Variants in PBX4 observed in about 807,000 individuals in gnomAD.
PBX4 encodes PBX homeobox 4, also known as pre-B-cell leukemia transcription factor 4.
A neutral mutation model predicts 35.1 loss-of-function variants in PBX4; 26 were observed. The observed-to-expected ratio is 0.74, with a 90% CI of 0.54 to 1.03. The LOEUF is 1.03. PBX4 is among the 50% of genes least tolerant of loss of function. PBX4 has a pLI of 0.00. For synonymous variants in PBX4, 199 were observed against 204.2 expected (o/e 0.97, Z 0.22); for missense variants, 448 against 504.3 (o/e 0.89, Z 1.07).
chr19:19,590,836 T>A (rs1022580610), intron 2 of PBX4, among the ~76,000 whole-genome samples: 1 of 152,150 alleles, frequency 6.6e-6, no homozygotes, highest in East Asian at 1.9e-4. Context: ...TGTATATTTA[T>A]ATACAATGAT....
At chr19:19,618,442 C>A in intron 1 of PBX4, 69 bp downstream of exon 1, 1 of 1,318,382 alleles carries the variant, frequency 7.6e-7, no homozygotes. Flanking sequence ...CCTCCACGCC[C>A]CGTCCCCTCA....
chr19:19,587,363 A>G (rs146902124), intron 2 of PBX4, among the ~76,000 whole-genome samples: 2,287 of 152,104 alleles, frequency 0.015, 80 homozygotes, highest in South Asian at 0.076. Context: ...CAAGGCGGGC[A>G]TATCACCTGA....
rs754031746 is a variant in PBX4, at chr19:19,570,821, C to T, written c.206G>A (p.Arg69His). Residue 69 changes from arginine (R) to histidine (H), a missense_variant, in exon 3 of 8, where the codon CGT becomes CAT. Physicochemically the swap from Arg to His is conservative, Grantham distance 29. Coordinates refer to ENST00000251203, the MANE Select transcript of PBX4 (RefSeq NM_025245.3). The stretch of plus-strand genomic sequence containing the variant: ...AGGGGGATCTTCGTCTTGAATGCCA[C>T]GGATGCTTACCACTAGATAAGAGAG... ...EIKEKTVVSI[R>H]GIQDEDPPDA... 26 of 1,613,856 alleles carry T rather than the reference C, an allele frequency of 1.6e-5. No individual in the cohort carries two copies. In the Admixed American group the frequency reaches 2.2e-4, roughly 13 times the overall value.
chr19:19,618,374 A>C, intron 1 of PBX4, 137 bp downstream of exon 1: 1 of 749,460 alleles, frequency 1.3e-6, no homozygotes, highest in South Asian at 3.8e-5. Flanking sequence ...AACCCCATAC[A>C]TCCCTTCGTC....
At chr19:19,598,260 T>C (rs2061572151) in intron 2 of PBX4, among the ~76,000 whole-genome samples, 1 of 151,806 alleles carries the variant, frequency 6.6e-6, no homozygotes, top group South Asian at 2.1e-4. Context: ...GAGAACTCTC[T>C]GTACTATTTT....
rs563097030 is a variant in PBX4, at chr19:19,598,806, G to A, written c.193+486C>T. 1.1e-4 allele frequency among the ~76,000 whole-genome samples: 17 copies of A among 151,836 alleles called. No homozygotes were observed. In the East Asian group the frequency reaches 2.5e-3, roughly 22 times the overall value. Reference sequence around the variant, plus strand: ...AAGGCAGAAAGAAAACATCCTAGCCGTCTTCTGCGAGACAGAAGGGATGAG... The same window carrying A: ...AAGGCAGAAAGAAAACATCCTAGCCATCTTCTGCGAGACAGAAGGGATGAG... On this transcript the variant is annotated intron_variant, in intron 2 of 7. Transcript: ENST00000251203.
intron 5 of PBX4, 65 bp downstream of exon 5, chr19:19,569,384 T>C: frequency 1.3e-6 from 2 of 1,541,324 alleles, no homozygotes; most frequent in South Asian, 1.3e-5. Flanking sequence ...TCCCTGGGTG[T>C]CCTCATGGGA....
chr19:19,570,835 T>C lies in PBX4; in HGVS notation c.194-2A>G. The C allele has an allele frequency of 6.2e-7, 1 of 1,612,728 alleles. No homozygotes were observed. The highest frequency in any genetic ancestry group is 1.1e-5 in the South Asian group (1 of 90,942). The stretch of plus-strand genomic sequence containing the variant: ...CTTGAATGCCACGGATGCTTACCAC[T>C]AGATAAGAGAGACCGGGACAAGTCA... On this transcript the variant is annotated splice_acceptor_variant, in intron 2 of 7. Coordinates refer to ENST00000251203, the MANE Select transcript of PBX4 (RefSeq NM_025245.3). LOFTEE classifies it high-confidence loss of function.
At chr19:19,607,370 T>A (rs2061638057) in intron 1 of PBX4, among the ~76,000 whole-genome samples, 1 of 152,134 alleles carries the variant, frequency 6.6e-6, no homozygotes, top group East Asian at 1.9e-4. Context: ...CTGAGTTTTT[T>A]AAAATGCTAA....
At chr19:19,608,307 T>A (rs2061642960) in intron 1 of PBX4, 1 of 150,068 alleles carries the variant, frequency 6.7e-6, no homozygotes, top group South Asian at 2.1e-4. Flanking sequence ...TGAGCCAAGA[T>A]CGTGCCACTG....
intron 5 of PBX4, among the ~76,000 whole-genome samples, chr19:19,568,686 CA>C (rs1306521196): frequency 6.6e-6 from 1 of 150,738 alleles, no homozygotes; most frequent in Non-Finnish European, 1.5e-5. Flanking sequence ...TCAGGGAGCT[CA>C]TACTCTGTCT....
intron 2 of PBX4, among the ~76,000 whole-genome samples, chr19:19,584,771 A>G (rs929144352): frequency 6.6e-6 from 1 of 151,800 alleles, no homozygotes; most frequent in Non-Finnish European, 1.5e-5. Context: ...GACTATAGGC[A>G]TGCACCACCA....
intron 2 of PBX4, among the ~76,000 whole-genome samples, chr19:19,576,530 A>C (rs2061420504): frequency 6.6e-6 from 1 of 152,000 alleles, no homozygotes; most frequent in Admixed American, 6.6e-5. Context: ...GGCCAAAAAA[A>C]AAAATTTTTT....
At chr19:19,615,630 G>T (rs879847754) in intron 1 of PBX4, among the ~76,000 whole-genome samples, 1 of 152,114 alleles carries the variant, frequency 6.6e-6, no homozygotes, top group East Asian at 1.9e-4. Context: ...AGTAGTTCAC[G>T]CCTGTAATCC....
chr19:19,608,720 T>C (rs989766834), intron 1 of PBX4: 6 of 152,576 alleles, frequency 3.9e-5, no homozygotes, highest in Admixed American at 2.0e-4. Flanking sequence ...CCACTTTCTT[T>C]GCCTAGGCAA....
intron 1 of PBX4, among the ~76,000 whole-genome samples, chr19:19,602,572 C>T (rs758707280): frequency 3.3e-5 from 5 of 152,072 alleles, no homozygotes; most frequent in African/African-American, 9.7e-5. Context: ...GCTGGGACTA[C>T]GGGTGGTGCT....
At chr19:19,604,660 G>C (rs1229788919) in intron 1 of PBX4, among the ~76,000 whole-genome samples, 1 of 151,660 alleles carries the variant, frequency 6.6e-6, no homozygotes, top group Non-Finnish European at 1.5e-5. Context: ...GAGTGCAGTA[G>C]CGCGATCTTG....
chr19:19,564,218 C>T (rs2061326906), intron 6 of PBX4, among the ~76,000 whole-genome samples: 1 of 147,080 alleles, frequency 6.8e-6, no homozygotes, highest in Non-Finnish European at 1.5e-5. Flanking sequence ...GTTCAATTCC[C>T]ACCTATGAGT....
intron 2 of PBX4, among the ~76,000 whole-genome samples, chr19:19,594,241 A>G (rs2061547324): frequency 6.6e-6 from 1 of 151,890 alleles, no homozygotes; most frequent in Non-Finnish European, 1.5e-5. Context: ...CCCTGTCTCT[A>G]CTAAATACAA....
Sources: gnomAD v4.1 joint callset for allele counts (sites outside exome capture counted in the v4.1 genomes callset) on GRCh38, gnomAD v4.1.1 for gene constraint, MANE v1.5 for transcripts, NCBI Gene and HGNC (gene_info 2026-07-23, HGNC 2026-07-21) for gene names.